Variants in LINGO2 observed in about 807,000 individuals in gnomAD.
LINGO2 encodes the protein leucine rich repeat and Ig domain containing 2.
LINGO2 carries 14 observed loss-of-function variants against 30.6 expected under a neutral mutation model. That is an observed-to-expected ratio of 0.46 (90% CI 0.30 to 0.72). The LOEUF (loss-of-function observed/expected upper bound fraction) is 0.72. Among genes scored for constraint, LINGO2 ranks in the 30% least tolerant of loss-of-function variants. The pLI is 0.07. For synonymous variants in LINGO2, 317 were observed against 288.5 expected (o/e 1.10, Z -1.00); for missense variants, 729 against 751.7 (o/e 0.97, Z 0.35).
intron 2 of LINGO2, among the ~76,000 whole-genome samples, chr9:28,392,244 T>C (rs1210547910): frequency 3.9e-5 from 6 of 152,162 alleles, no homozygotes; most frequent in South Asian, 2.1e-4. Context: ...TATTGCCATC[T>C]TTAGTCAGTG....
chr9:28,533,354 C>A (rs1821308364), intron 1 of LINGO2, among the ~76,000 whole-genome samples: 1 of 152,080 alleles, frequency 6.6e-6, no homozygotes, highest in South Asian at 2.1e-4. Flanking sequence ...GACGGGCTTC[C>A]TGATTCTTCA....
intron 4 of LINGO2, among the ~76,000 whole-genome samples, chr9:28,108,756 G>A (rs1826674668): frequency 6.6e-6 from 1 of 152,066 alleles, no homozygotes; most frequent in Non-Finnish European, 1.5e-5. Context: ...GCACCATTCT[G>A]AACACTTAGT....
At chr9:28,641,522 G>T (rs2135936126) in intron 1 of LINGO2, among the ~76,000 whole-genome samples, 1 of 152,236 alleles carries the variant, frequency 6.6e-6, no homozygotes, top group African/African-American at 2.4e-5. Context: ...TACAAGAGGA[G>T]GGCCTCTAAC....
At chr9:28,481,582 G>A (rs372199676) in intron 1 of LINGO2, among the ~76,000 whole-genome samples, 2 of 151,976 alleles carry the variant, frequency 1.3e-5, no homozygotes, top group East Asian at 3.9e-4. Flanking sequence ...TGGAAATGCT[G>A]TCGCCCTCCT....
the LINGO2 span, among the ~76,000 whole-genome samples, chr9:28,900,849 T>C: frequency 6.6e-6 from 1 of 152,026 alleles, no homozygotes; most frequent in African/African-American, 2.4e-5. Context: ...ATTAACCGCC[T>C]AGCAAAAAAT....
chr9:28,335,701 AAAC>A (rs1204984294), intron 3 of LINGO2, among the ~76,000 whole-genome samples: 1 of 152,216 alleles, frequency 6.6e-6, no homozygotes, highest in Non-Finnish European at 1.5e-5. Context: ...TAGTAAAACA[AAAC>A]AATAAAGTCA....
At chr9:28,241,496 C>T (rs1456453487) in intron 4 of LINGO2, among the ~76,000 whole-genome samples, 1 of 151,942 alleles carries the variant, frequency 6.6e-6, no homozygotes, top group East Asian at 1.9e-4. Context: ...TGTGGTGCAG[C>T]CGCCCACCTG....
chr9:28,669,496 TA>T (rs1174098522), intron 1 of LINGO2, among the ~76,000 whole-genome samples: 4 of 151,916 alleles, frequency 2.6e-5, no homozygotes, highest in Admixed American at 2.0e-4. Context: ...TTTCAGATAG[TA>T]AAAAGAAAAC....
At chr9:28,707,936 G>A in the LINGO2 span, among the ~76,000 whole-genome samples, 1 of 152,048 alleles carries the variant, frequency 6.6e-6, no homozygotes, top group African/African-American at 2.4e-5. Flanking sequence ...CAGAAAAACT[G>A]CAAGTGAAAT....
At chr9:28,391,604 CGT>C (rs35676869) in intron 2 of LINGO2, among the ~76,000 whole-genome samples, 76,812 of 147,586 alleles carry the variant, frequency 0.52, 20,159 homozygotes, top group East Asian at 0.81. Flanking sequence ...TTTATGTTTG[CGT>C]GTGTGTGTGT....
At chr9:28,368,717 C>A (rs1332762215) in intron 3 of LINGO2, among the ~76,000 whole-genome samples, 2 of 151,914 alleles carry the variant, frequency 1.3e-5, no homozygotes, top group Non-Finnish European at 2.9e-5. Flanking sequence ...CTGCCTCAGC[C>A]TCGCGAGTAG....
intron 4 of LINGO2, among the ~76,000 whole-genome samples, chr9:28,055,532 CTG>C (rs1255096860): frequency 1.4e-4 from 22 of 152,158 alleles, no homozygotes; most frequent in African/African-American, 5.3e-4. Flanking sequence ...TGTGGATTGG[CTG>C]TGACTTCCAC....
chr9:28,176,719 T>C (rs975895713), intron 4 of LINGO2, among the ~76,000 whole-genome samples: 7 of 152,192 alleles, frequency 4.6e-5, no homozygotes, highest in East Asian at 1.9e-4. Context: ...TAGGATCTGC[T>C]CAGCACACCA....
intron 2 of LINGO2, among the ~76,000 whole-genome samples, chr9:28,413,887 T>C (rs922669134): frequency 2.0e-5 from 3 of 152,132 alleles, no homozygotes; most frequent in African/African-American, 7.2e-5. Flanking sequence ...AGACTGGTGC[T>C]TTGAAGAGAG....
chr9:28,514,591 T>C (rs1369480619), intron 1 of LINGO2, among the ~76,000 whole-genome samples: 2 of 152,192 alleles, frequency 1.3e-5, no homozygotes, highest in Non-Finnish European at 2.9e-5. Flanking sequence ...TCTTCTATTA[T>C]ATCAAGGATG....
At chr9:28,048,971 G>C (rs1028487176) in intron 4 of LINGO2, among the ~76,000 whole-genome samples, 1 of 150,850 alleles carries the variant, frequency 6.6e-6, no homozygotes, top group Non-Finnish European at 1.5e-5. Flanking sequence ...AAGGCAAAAA[G>C]TACTAATAGC....
At chr9:28,855,350 G>C in the LINGO2 span, among the ~76,000 whole-genome samples, 4 of 151,972 alleles carry the variant, frequency 2.6e-5, no homozygotes, top group South Asian at 8.3e-4. Flanking sequence ...GCTAGAACCT[G>C]CTGTAATGAA....
At chr9:29,205,123 C>T in the LINGO2 span, among the ~76,000 whole-genome samples, 1 of 152,110 alleles carries the variant, frequency 6.6e-6, no homozygotes, top group Admixed American at 6.6e-5. Flanking sequence ...TCACTGCAAC[C>T]TCCGCCTCCT....
intron 4 of LINGO2, among the ~76,000 whole-genome samples, chr9:28,202,722 C>G (rs1042483442): frequency 1.3e-5 from 2 of 152,178 alleles, no homozygotes; most frequent in East Asian, 3.9e-4. Flanking sequence ...TCTATTTTCA[C>G]AAATGTAAAA....
Sources: gnomAD v4.1 joint callset for allele counts (sites outside exome capture counted in the v4.1 genomes callset) on GRCh38, gnomAD v4.1.1 for gene constraint, MANE v1.5 for transcripts, NCBI Gene and HGNC (gene_info 2026-07-23, HGNC 2026-07-21) for gene names.